Variants in HTR1E observed in about 807,000 individuals in gnomAD.
HTR1E encodes the protein 5-hydroxytryptamine receptor 1E.
A neutral mutation model predicts 3.4 loss-of-function variants in HTR1E; 3 were observed. That is an observed-to-expected ratio of 0.89 (90% CI 0.41 to 2.31). The LOEUF (loss-of-function observed/expected upper bound fraction) is 2.31. Among genes scored for constraint, HTR1E ranks in the 30% most tolerant of loss-of-function variants. The pLI is 0.05. For missense variants in HTR1E, 392 were observed against 467.0 expected, an observed-to-expected ratio of 0.84 and a Z score of 1.48; for synonymous variants, 170 against 182.8, an observed-to-expected ratio of 0.93 and a Z score of 0.56.
intron 1 of HTR1E, among the ~76,000 whole-genome samples, chr6:86,958,191 T>A (rs112175759): frequency 0.026 from 3,958 of 151,714 alleles, 90 homozygotes; most frequent in Non-Finnish European, 0.037. Context: ...CCCAAGTAAC[T>A]GGGACTACAG....
chr6:86,980,316 G>C (rs1167043265), intron 1 of HTR1E, among the ~76,000 whole-genome samples: 1 of 151,746 alleles, frequency 6.6e-6, no homozygotes, highest in East Asian at 1.9e-4. Flanking sequence ...GAACCCGGGA[G>C]GCGGAGCTTG....
intron 1 of HTR1E, among the ~76,000 whole-genome samples, chr6:86,999,122 G>A (rs929805872): frequency 6.6e-6 from 1 of 152,026 alleles, no homozygotes; most frequent in African/African-American, 2.4e-5. Context: ...ACAACGCCAG[G>A]CTAATTTTTT....
chr6:86,954,759 C>A (rs1463479141), intron 1 of HTR1E, among the ~76,000 whole-genome samples: 1 of 152,134 alleles, frequency 6.6e-6, no homozygotes, highest in Non-Finnish European at 1.5e-5. Context: ...ACAAGCTTGT[C>A]ATTTTCTTCT....
intron 1 of HTR1E, among the ~76,000 whole-genome samples, chr6:86,984,561 A>C (rs1046053853): frequency 1.3e-5 from 2 of 152,246 alleles, no homozygotes; most frequent in African/African-American, 2.4e-5. Flanking sequence ...AGAATTTATC[A>C]GTTAGAATAA....
chr6:86,938,493 A>T (rs1034866685), intron 1 of HTR1E, among the ~76,000 whole-genome samples: 3 of 152,198 alleles, frequency 2.0e-5, no homozygotes, highest in African/African-American at 7.2e-5. Context: ...AGGAAAGGAA[A>T]TTGAGTCTAA....
chr6:86,941,371 G>T (rs1198814880), intron 1 of HTR1E, among the ~76,000 whole-genome samples: 2 of 152,088 alleles, frequency 1.3e-5, no homozygotes, highest in Non-Finnish European at 2.9e-5. Flanking sequence ...TTCATTTTTA[G>T]TTCTCTTATT....
At chr6:87,009,955 C>T (rs868864556) in intron 1 of HTR1E, among the ~76,000 whole-genome samples, 3,380 of 120,304 alleles carry the variant, frequency 0.028, 27 homozygotes, top group Non-Finnish European at 0.043. Flanking sequence ...CCAGTAGGGG[C>T]GGCCGGGCAG....
intron 1 of HTR1E, among the ~76,000 whole-genome samples, chr6:86,987,287 T>A (rs897627510): frequency 6.6e-6 from 1 of 152,114 alleles, no homozygotes; most frequent in African/African-American, 2.4e-5. Flanking sequence ...TTTCTTAGGT[T>A]TTTTACTATA....
intron 1 of HTR1E, among the ~76,000 whole-genome samples, chr6:86,976,589 C>A (rs1263247072): frequency 6.6e-6 from 1 of 152,186 alleles, no homozygotes; most frequent in Non-Finnish European, 1.5e-5. Flanking sequence ...TGAAAGAGTT[C>A]TTGGTTGACC....
intron 1 of HTR1E, among the ~76,000 whole-genome samples, chr6:87,011,043 G>A (rs1318358407): frequency 6.6e-6 from 1 of 152,174 alleles, no homozygotes; most frequent in Non-Finnish European, 1.5e-5. Flanking sequence ...ATTGGTCTAA[G>A]ATGCTTAAAC....
rs1768316217 is a variant in HTR1E at position 87,015,874 on chromosome 6, T to C, written c.540T>C (p.Val180=). ...AGTGCACCATCCAGCACGACCATGTTATCTACACCATTTACTCCACGCTGG... is the reference window on the plus strand; with the variant it reads ...AGTGCACCATCCAGCACGACCATGTCATCTACACCATTTACTCCACGCTGG... The part of the protein sequence containing the change: ...PSQCTIQHDH[V]IYTIYSTLGA... Residue 180 remains valine, a synonymous_variant, in exon 2 of 2, where the codon GTT becomes GTC. Coordinates refer to ENST00000305344, the MANE Select transcript of HTR1E (RefSeq NM_000865.3). The C allele has an allele frequency of 1.1e-5, 18 of 1,611,912 alleles. No individual in the cohort carries two copies. Among genetic ancestry groups the C allele is most frequent in the Non-Finnish European group, 1.5e-5 (18 of 1,179,222 alleles).
chr6:86,945,589 G>C (rs191605686), intron 1 of HTR1E, among the ~76,000 whole-genome samples: 1 of 151,936 alleles, frequency 6.6e-6, no homozygotes, highest in Non-Finnish European at 1.5e-5. Context: ...TTTAAAAATA[G>C]AAAAAAGTTT....
At chr6:86,979,507 G>GAT (rs1767682607) in intron 1 of HTR1E, among the ~76,000 whole-genome samples, 1 of 152,202 alleles carries the variant, frequency 6.6e-6, no homozygotes, top group African/African-American at 2.4e-5. Context: ...TGAGAGGACA[G>GAT]ATATAAGGTG....
intron 1 of HTR1E, among the ~76,000 whole-genome samples, chr6:86,994,576 GA>G (rs1767910920): frequency 1.7e-5 from 2 of 115,192 alleles, no homozygotes; most frequent in Admixed American, 1.8e-4. Flanking sequence ...TAGGTGAAGG[GA>G]AACTAAGGGA....
chr6:86,941,488 A>G (rs552042220), intron 1 of HTR1E, among the ~76,000 whole-genome samples: 3 of 152,288 alleles, frequency 2.0e-5, no homozygotes, highest in Admixed American at 6.5e-5. Flanking sequence ...CAAATGAAAA[A>G]CTGGACACTT....
chr6:86,992,325 G>C (rs1466749494), intron 1 of HTR1E, among the ~76,000 whole-genome samples: 1 of 152,134 alleles, frequency 6.6e-6, no homozygotes, highest in Non-Finnish European at 1.5e-5. Context: ...TAGAAACATA[G>C]AGTTGTGTTT....
chr6:86,969,810 A>G (rs1337326099), intron 1 of HTR1E, among the ~76,000 whole-genome samples: 1 of 152,164 alleles, frequency 6.6e-6, no homozygotes, highest in Non-Finnish European at 1.5e-5. Flanking sequence ...GCCACACCCC[A>G]GTGAGTGGTT....
At chr6:86,956,562 A>C (rs1257126286) in intron 1 of HTR1E, among the ~76,000 whole-genome samples, 1 of 152,188 alleles carries the variant, frequency 6.6e-6, no homozygotes, top group East Asian at 1.9e-4. Flanking sequence ...ACCAATGTAC[A>C]CCTTATATGT....
intron 1 of HTR1E, among the ~76,000 whole-genome samples, chr6:87,010,332 C>G (rs1292053006): frequency 8.7e-6 from 1 of 114,776 alleles, no homozygotes; most frequent in Non-Finnish European, 1.8e-5. Context: ...CCCCCACCTC[C>G]CTCCCGGACG....
Sources: allele counts gnomAD v4.1 joint callset (sites outside exome capture counted in the v4.1 genomes callset), GRCh38; gene constraint gnomAD v4.1.1; transcripts MANE v1.5; gene names NCBI Gene and HGNC (gene_info 2026-07-23, HGNC 2026-07-21).